The following DPY19L1 variants were observed in gnomAD, a reference collection of about 807,000 sequenced individuals.
The protein encoded by DPY19L1 is protein C-mannosyl-transferase DPY19L1.
A neutral mutation model predicts 96.9 loss-of-function variants in DPY19L1; 35 were observed. The ratio of observed to expected loss-of-function variants is 0.36; its 90% CI spans 0.28 to 0.48. The LOEUF is 0.48. DPY19L1 is among the 20% of genes least tolerant of loss of function. The pLI is 0.99. For missense variants in DPY19L1, 521 were observed against 777.9 expected (o/e 0.67, Z 3.93); for synonymous variants, 205 against 252.6 (o/e 0.81, Z 1.79).
chr7:34,972,970 G>C (rs556256485), intron 8 of DPY19L1, among the ~76,000 whole-genome samples: 9 of 152,166 alleles, frequency 5.9e-5, no homozygotes, highest in Admixed American at 2.0e-4. Flanking sequence ...TTCTGAATTC[G>C]GAGGATCACT....
intron 1 of DPY19L1, among the ~76,000 whole-genome samples, chr7:35,021,354 G>C (rs1291581763): frequency 6.6e-6 from 1 of 152,184 alleles, no homozygotes; most frequent in Non-Finnish European, 1.5e-5. Flanking sequence ...ATAAGGATGG[G>C]AGGTGCAAGA....
chr7:35,003,050 G>A (rs181511950), intron 6 of DPY19L1, among the ~76,000 whole-genome samples: 147 of 152,264 alleles, frequency 9.7e-4, no homozygotes, highest in Middle Eastern at 6.8e-3. Context: ...GATTACAGGC[G>A]TGAGCCACCG....
intron 10 of DPY19L1, among the ~76,000 whole-genome samples, chr7:34,960,493 G>T (rs1485155356): frequency 1.3e-5 from 2 of 152,056 alleles, no homozygotes; most frequent in Non-Finnish European, 2.9e-5. Flanking sequence ...CAATGAATAT[G>T]ATTTCATTGT....
At chr7:34,932,166 C>A (rs1362683875) in intron 21 of DPY19L1, among the ~76,000 whole-genome samples, 1 of 152,160 alleles carries the variant, frequency 6.6e-6, no homozygotes, top group Non-Finnish European at 1.5e-5. Flanking sequence ...AAACGTATGA[C>A]ATTGATTTAA....
intron 4 of DPY19L1, among the ~76,000 whole-genome samples, chr7:35,012,275 C>A (rs181907304): frequency 1.3e-5 from 2 of 152,202 alleles, no homozygotes; most frequent in Non-Finnish European, 2.9e-5. Flanking sequence ...CTGGATGAGG[C>A]CTTCACAGTG....
intron 13 of DPY19L1, among the ~76,000 whole-genome samples, chr7:34,950,621 T>A (rs1177679203): frequency 1.3e-5 from 2 of 152,172 alleles, no homozygotes; most frequent in African/African-American, 4.8e-5. Context: ...AAATTCTATA[T>A]GATATCTACA....
chr7:34,959,201 A>G (rs1046120268), intron 10 of DPY19L1, among the ~76,000 whole-genome samples: 1 of 152,250 alleles, frequency 6.6e-6, no homozygotes, highest in Non-Finnish European at 1.5e-5. Flanking sequence ...CGATCATTAA[A>G]AAGTCAGGAG....
chr7:34,947,522 C>A, intron 15 of DPY19L1, 108 bp downstream of exon 15: 1 of 799,824 alleles, frequency 1.3e-6, no homozygotes, highest in Non-Finnish European at 2.0e-6. Flanking sequence ...TTACAGTAAG[C>A]CCATACAAAA....
intron 1 of DPY19L1, among the ~76,000 whole-genome samples, chr7:35,033,458 G>A (rs1295044387): frequency 1.3e-5 from 2 of 152,106 alleles, no homozygotes; most frequent in East Asian, 1.9e-4. Context: ...CTTAGTAGAC[G>A]CTCAATGATA....
chr7:34,967,335 G>T (rs1426436396), intron 9 of DPY19L1, among the ~76,000 whole-genome samples: 1 of 152,070 alleles, frequency 6.6e-6, no homozygotes. Context: ...ATACATAATT[G>T]GGGAAGGTAC....
intron 1 of DPY19L1, among the ~76,000 whole-genome samples, chr7:35,032,294 C>A (rs1786278361): frequency 6.6e-6 from 1 of 152,100 alleles, no homozygotes; most frequent in South Asian, 2.1e-4. Flanking sequence ...TGGGTCAAAT[C>A]CTGGCCCTTC....
In DPY19L1 at chr7:34,954,498, AAAAG is replaced by A. The variant is rs1784335889; in HGVS notation, c.1320+196_1320+199del. ...TTAGTGACATAGAAGGACCAATAAA[AAAAG>A]AGATTAAGAAACTAATTTTGGAGAA... On this transcript the variant is annotated intron_variant, in intron 13 of 21. Coordinates refer to ENST00000638088, the MANE Select transcript of DPY19L1 (RefSeq NM_001366673.1). 8.7e-6 allele frequency: 3 copies of A among 344,944 alleles called. No individual in the cohort carries two copies. In the East Asian group the frequency reaches 1.7e-4, roughly 19 times the overall value. 21.4% of individuals were successfully genotyped at this position (344,944 alleles called of 1,614,324 possible).
chr7:34,939,602 C>T (rs1783952128), intron 19 of DPY19L1, among the ~76,000 whole-genome samples: 1 of 152,200 alleles, frequency 6.6e-6, no homozygotes, highest in African/African-American at 2.4e-5. Context: ...TTCATCATCT[C>T]ATCATTAAAG....
intron 8 of DPY19L1, among the ~76,000 whole-genome samples, chr7:34,969,951 G>A (rs1454780758): frequency 6.6e-6 from 1 of 152,132 alleles, no homozygotes; most frequent in African/African-American, 2.4e-5. Flanking sequence ...AGAGGTAAGC[G>A]GCTGAGAGAG....
chr7:34,982,499 C>T (rs1784961876), intron 7 of DPY19L1, among the ~76,000 whole-genome samples: 1 of 152,118 alleles, frequency 6.6e-6, no homozygotes. Context: ...AAATAAAAAG[C>T]CGGAGAAAAA....
intron 7 of DPY19L1, among the ~76,000 whole-genome samples, chr7:34,979,400 G>T (rs1437195967): frequency 1.3e-5 from 2 of 152,070 alleles, no homozygotes. Context: ...AGAAACAAAT[G>T]ATTCAAATTG....
intron 21 of DPY19L1, among the ~76,000 whole-genome samples, chr7:34,934,185 G>T (rs1372337012): frequency 6.6e-6 from 1 of 151,948 alleles, no homozygotes; most frequent in African/African-American, 2.4e-5. Context: ...AGATGGTCTC[G>T]ATCTCCTGAC....
chr7:34,933,178 A>G (rs1186720), intron 21 of DPY19L1, among the ~76,000 whole-genome samples: 71,523 of 151,974 alleles, frequency 0.47, 17,285 homozygotes, highest in Admixed American at 0.61. Context: ...TTGGGAAACA[A>G]GTGGTTTTTG....
chr7:34,989,641 C>CA (rs1394309417), intron 7 of DPY19L1, among the ~76,000 whole-genome samples: 6 of 110,290 alleles, frequency 5.4e-5, no homozygotes, highest in Admixed American at 1.2e-4. Flanking sequence ...ACAACAACAA[C>CA]AACAAAAAAA....
Sources: gnomAD v4.1 joint callset for allele counts (sites outside exome capture counted in the v4.1 genomes callset) on GRCh38, gnomAD v4.1.1 for gene constraint, MANE v1.5 for transcripts, NCBI Gene and HGNC (gene_info 2026-07-23, HGNC 2026-07-21) for gene names.